DAW1: variants seen among roughly 807,000 people sequenced by gnomAD.
The protein encoded by DAW1 is dynein assembly factor with WD repeat domains 1.
A neutral mutation model predicts 56.5 loss-of-function variants in DAW1; 47 were observed. That is an observed-to-expected ratio of 0.83 (90% CI 0.66 to 1.06). The LOEUF is 1.06. Ranked by LOEUF, DAW1 falls within the 50% of genes least tolerant of loss-of-function variation. The probability of loss-of-function intolerance (pLI) is 0.00; values close to 1 mark genes in which losing one functional copy is unlikely to be tolerated. For synonymous variants in DAW1, 190 were observed against 179.0 expected (o/e 1.06, Z -0.49); for missense variants, 505 against 499.3 (o/e 1.01, Z -0.11).
chr2:227,918,864 G>T lies in DAW1; in HGVS notation c.1050+8G>T. On this transcript the variant is annotated splice_region_variant and intron_variant, in intron 11 of 12. Coordinates refer to ENST00000309931, the MANE Select transcript of DAW1 (RefSeq NM_178821.3). Reference sequence around the variant, plus strand: ...GAAGGTGAAATTTCAAAGGTGAGTCGCTTTCTCATTTGGAGGAGTTTATTT... The same window carrying T: ...GAAGGTGAAATTTCAAAGGTGAGTCTCTTTCTCATTTGGAGGAGTTTATTT... The T allele has an allele frequency of 6.2e-7, 1 of 1,613,700 alleles. No individual in the cohort carries two copies. The highest frequency in any genetic ancestry group is 2.2e-5 in the East Asian group (1 of 44,858).
At position 227,909,270 on chromosome 2, in the gene DAW1, A is replaced by ATCTATCTGTCTGTCTG. The variant is rs1553603365; in HGVS notation, c.973+2021_973+2022insATCTGTCTGTCTGTCT. ...TATCTATCTATCTATCTATCTATCT[A>ATCTATCTGTCTGTCTG]TCTGTCTGTCTGTCTGTCTCCTATT... On this transcript the variant is annotated intron_variant, in intron 10 of 12. Coordinates refer to ENST00000309931, the MANE Select transcript of DAW1 (RefSeq NM_178821.3). Among the ~76,000 whole-genome samples, 16 of 144,460 alleles carry ATCTATCTGTCTGTCTG rather than the reference A, an allele frequency of 1.1e-4. 1 individual carries two copies. The highest frequency in any genetic ancestry group is 2.8e-4 in the African/African-American group (11 of 38,892). The allele number at this position is 144,460 out of a possible 152,430, so 94.8% of individuals were successfully genotyped here.
intron 10 of DAW1, among the ~76,000 whole-genome samples, chr2:227,911,299 C>T (rs539296854): frequency 2.1e-5 from 3 of 143,774 alleles, no homozygotes; most frequent in South Asian, 4.3e-4. Flanking sequence ...CATATATACA[C>T]GTGTATGTAT....
At chr2:227,871,766 AC>A (rs1559299333) in intron 1 of DAW1, 37 bp downstream of exon 1, 1 of 1,612,568 alleles carries the variant, frequency 6.2e-7, no homozygotes, top group Non-Finnish European at 8.5e-7. Context: ...CCCACGTGGG[AC>A]CCTGGGCTCC....
chr2:227,915,161 G>T (rs1691922474), intron 10 of DAW1, among the ~76,000 whole-genome samples: 1 of 152,070 alleles, frequency 6.6e-6, no homozygotes, highest in Non-Finnish European at 1.5e-5. Flanking sequence ...AGCACACTTT[G>T]ATAAATATAT....
At chr2:227,897,951 CCAAA>C (rs55780156) in intron 5 of DAW1, among the ~76,000 whole-genome samples, 10,763 of 151,750 alleles carry the variant, frequency 0.071, 391 homozygotes, top group Middle Eastern at 0.097. Flanking sequence ...TATTATAATC[CCAAA>C]CAAATATACC....
chr2:227,905,161 G>C, intron 8 of DAW1, 126 bp downstream of exon 8: 1 of 598,364 alleles, frequency 1.7e-6, no homozygotes, highest in Non-Finnish European at 2.7e-6. Flanking sequence ...AGGACATATT[G>C]AAAATGTAAA....
intron 10 of DAW1, among the ~76,000 whole-genome samples, chr2:227,909,029 CTGT>C (rs1289685130): frequency 1.3e-5 from 2 of 152,130 alleles, no homozygotes; most frequent in Non-Finnish European, 1.5e-5. Flanking sequence ...TTAATTTACA[CTGT>C]TTTTATCCTC....
chr2:227,917,694 C>G (rs1237404608), intron 10 of DAW1, among the ~76,000 whole-genome samples: 1 of 100,402 alleles, frequency 1.0e-5, no homozygotes, highest in East Asian at 2.9e-4. Context: ...GCAGGACATT[C>G]TCTTTCATGT....
chr2:227,879,110 T>C (rs1428012572), intron 1 of DAW1, among the ~76,000 whole-genome samples: 4 of 152,144 alleles, frequency 2.6e-5, no homozygotes, highest in Non-Finnish European at 4.4e-5. Flanking sequence ...AAAATATTTA[T>C]GTATAGTCGA....
intron 1 of DAW1, chr2:227,876,315 C>T (rs182977599): frequency 3.6e-5 from 28 of 786,562 alleles, no homozygotes; most frequent in South Asian, 4.0e-5. Flanking sequence ...CCACTGTGCC[C>T]GGCCAAGCCT....
intron 10 of DAW1, among the ~76,000 whole-genome samples, chr2:227,913,651 A>G (rs576804282): frequency 5.2e-4 from 79 of 152,058 alleles, no homozygotes; most frequent in Non-Finnish European, 1.0e-3. Flanking sequence ...ACATCATCCC[A>G]CTGATAACCA....
At chr2:227,882,249 A>C (rs888778482) in intron 1 of DAW1, among the ~76,000 whole-genome samples, 3 of 152,228 alleles carry the variant, frequency 2.0e-5, no homozygotes, top group African/African-American at 7.2e-5. Flanking sequence ...TCTCAAGGTC[A>C]AACTTATTTT....
chr2:227,918,973 T>C (rs1465331904), intron 11 of DAW1, 117 bp downstream of exon 11: 4 of 1,059,400 alleles, frequency 3.8e-6, no homozygotes, highest in Non-Finnish European at 5.6e-6. Context: ...GGTGAGAAGA[T>C]TGCTTGAGGC....
chr2:227,883,035 G>A (rs1273444717), intron 1 of DAW1, among the ~76,000 whole-genome samples: 1 of 152,178 alleles, frequency 6.6e-6, no homozygotes, highest in East Asian at 1.9e-4. Context: ...GTGGTTGCTT[G>A]AATTACGAGA....
chr2:227,887,628 A>C (rs1196359597), intron 2 of DAW1: 1 of 152,212 alleles, frequency 6.6e-6, no homozygotes, highest in African/African-American at 2.4e-5. Context: ...AGTATGAATT[A>C]TTAGGTGATT....
At chr2:227,904,327 C>A (rs1395119704) in intron 7 of DAW1, among the ~76,000 whole-genome samples, 2 of 152,116 alleles carry the variant, frequency 1.3e-5, no homozygotes, top group African/African-American at 4.8e-5. Flanking sequence ...GTACTCCAAC[C>A]AGGATCCCCT....
intron 6 of DAW1, among the ~76,000 whole-genome samples, chr2:227,899,940 G>A (rs781487238): frequency 6.6e-6 from 1 of 152,160 alleles, no homozygotes. Context: ...ACAAAAACAA[G>A]CTGCTTATTT....
chr2:227,917,295 C>G (rs1282955502), intron 10 of DAW1, among the ~76,000 whole-genome samples: 2 of 148,026 alleles, frequency 1.4e-5, no homozygotes, highest in Admixed American at 1.4e-4. Context: ...GAGTCTTGCT[C>G]TTTCGCCCAG....
intron 2 of DAW1, chr2:227,889,625 G>T: frequency 2.8e-6 from 1 of 351,642 alleles, no homozygotes. Context: ...CCTTAGCTTT[G>T]GAAAAATATG....
Sources: gnomAD v4.1 joint callset for allele counts (sites outside exome capture counted in the v4.1 genomes callset) on GRCh38, gnomAD v4.1.1 for gene constraint, MANE v1.5 for transcripts, NCBI Gene and HGNC (gene_info 2026-07-23, HGNC 2026-07-21) for gene names.